PCDHGA4: variants seen among roughly 807,000 people sequenced by gnomAD.
PCDHGA4 encodes the protein protocadherin gamma subfamily A, 4.
A neutral mutation model predicts 54.6 loss-of-function variants in PCDHGA4; 38 were observed. The ratio of observed to expected loss-of-function variants is 0.70; its 90% CI spans 0.54 to 0.91. The LOEUF (loss-of-function observed/expected upper bound fraction) is 0.91. Ranked by LOEUF, PCDHGA4 falls within the 40% of genes least tolerant of loss-of-function variation. PCDHGA4 has a pLI of 0.00. For missense variants in PCDHGA4, 1,298 were observed against 1,220.9 expected (o/e 1.06, Z -0.94); for synonymous variants, 511 against 512.9 (o/e 1.00, Z 0.05).
intron 1 of PCDHGA4, chr5:141,409,110 A>T: frequency 6.2e-7 from 1 of 1,614,060 alleles, no homozygotes; most frequent in Non-Finnish European, 8.5e-7. Context: ...ATGATTAAGA[A>T]TAACCAGTCA....
At position 141,478,334 on chromosome 5, in the gene PCDHGA4, C is replaced by T. The variant is rs1303200872; in HGVS notation, c.2515-16473C>T. 2.5e-6 allele frequency: 4 copies of T among 1,613,944 alleles called. No individual in the cohort carries two copies. The highest frequency in any genetic ancestry group is 3.4e-6 in the Non-Finnish European group (4 of 1,180,016). ...GAGCTCACTGTACCGAACACCAGGG[C>T]CCTCCTTGCACGCGGACGCCGTGCG... On this transcript the variant is annotated intron_variant, in intron 1 of 3. Coordinates refer to ENST00000571252, the MANE Select transcript of PCDHGA4 (RefSeq NM_018917.4).
Position 141,421,262 on chromosome 5 carries a change from G to GGCTGCT in PCDHGA4, c.2514+63652_2514+63657dup, listed in dbSNP as rs748368476. 11 of 1,609,598 alleles carry GGCTGCT rather than the reference G, an allele frequency of 6.8e-6. No individual in the cohort carries two copies. The Admixed American group carries it at 8.4e-5, about 12-fold the overall frequency. ...CGGCTACAGCGCGGGGACCGCAGTC[G>GGCTGCT]GCTGCTGCTGCTGCTGTGCATTTTC... is the stretch of plus-strand genomic sequence containing the variant. On this transcript the variant is annotated intron_variant, in intron 1 of 3. Coordinates refer to ENST00000571252, the MANE Select transcript of PCDHGA4 (RefSeq NM_018917.4).
intron 1 of PCDHGA4, among the ~76,000 whole-genome samples, chr5:141,401,114 CG>C (rs566829189): frequency 5.5e-4 from 84 of 152,224 alleles, no homozygotes; most frequent in African/African-American, 2.0e-3. Context: ...GAGGCCGAGG[CG>C]GTTGGATCAC....
intron 1 of PCDHGA4, chr5:141,404,553 C>T: frequency 6.2e-7 from 1 of 1,613,766 alleles, no homozygotes; most frequent in Non-Finnish European, 8.5e-7. Context: ...CAGGTGACGG[C>T]AAGTGACAGT....
intron 1 of PCDHGA4, among the ~76,000 whole-genome samples, chr5:141,483,255 G>T (rs1383670642): frequency 1.3e-5 from 2 of 152,030 alleles, no homozygotes; most frequent in African/African-American, 2.4e-5. Context: ...ATATCATGAG[G>T]TTTTTTTGTT....
intron 1 of PCDHGA4, chr5:141,421,478 G>C: frequency 6.2e-7 from 1 of 1,614,130 alleles, no homozygotes. Context: ...CGAAGCGGCA[G>C]CTTGATCACG....
intron 1 of PCDHGA4, chr5:141,408,704 A>G: frequency 1.2e-6 from 2 of 1,613,236 alleles, no homozygotes; most frequent in Non-Finnish European, 1.7e-6. Context: ...AAACTCAATT[A>G]AAGATTATAA....
rs1462148828 is a variant in PCDHGA4 at position 141,392,863 on chromosome 5, G to A, written c.2514+35242G>A. On this transcript the variant is annotated intron_variant, in intron 1 of 3. Transcript: ENST00000571252. ...AGACGCGGCGAGCTGATCCTGCTGT[G>A]CGCGCTGCTGGGAACGCTGTGGGAA... 3 of 1,612,774 alleles carry A rather than the reference G, an allele frequency of 1.9e-6. No individual in the cohort carries two copies. Among genetic ancestry groups the A allele is most frequent in the African/African-American group, 2.7e-5 (2 of 74,930 alleles).
intron 1 of PCDHGA4, chr5:141,399,115 G>C: frequency 6.2e-7 from 1 of 1,613,814 alleles, no homozygotes; most frequent in Non-Finnish European, 8.5e-7. Context: ...ATGTACAGTT[G>C]AAATTAATAT....
chr5:141,421,403 A>G, intron 1 of PCDHGA4: 1 of 1,614,054 alleles, frequency 6.2e-7, no homozygotes, highest in Non-Finnish European at 8.5e-7. Context: ...GAGCCCCGGG[A>G]GCTGGCGAAG....
intron 1 of PCDHGA4, chr5:141,414,230 CCAT>C: frequency 6.2e-7 from 1 of 1,613,308 alleles, no homozygotes; most frequent in Non-Finnish European, 8.5e-7. Context: ...CCAGAGCTGA[CCAT>C]CACGTCTCTA....
At chr5:141,384,278 A>T in intron 1 of PCDHGA4, 1 of 1,613,842 alleles carries the variant, frequency 6.2e-7, no homozygotes, top group Non-Finnish European at 8.5e-7. Context: ...TACTCAGTCT[A>T]CATCGCTGAG....
At chr5:141,437,862 C>T (rs535370570) in intron 1 of PCDHGA4, among the ~76,000 whole-genome samples, 5 of 152,002 alleles carry the variant, frequency 3.3e-5, no homozygotes, top group African/African-American at 9.6e-5. Context: ...CTTAGCCTCC[C>T]GAGTAGCTGG....
chr5:141,410,827 A>G lies in PCDHGA4; in HGVS notation c.2514+53206A>G. The G allele has an allele frequency of 1.4e-5, 6 of 440,972 alleles. No individual in the cohort carries two copies. The South Asian group carries it at 2.4e-4, about 18-fold the overall frequency. 27.3% of individuals were successfully genotyped at this position (440,972 alleles called of 1,614,324 possible). The stretch of plus-strand genomic sequence containing the variant: ...TCTTTTTGTAAAATAATGTCACCAG[A>G]CTGAAGATATTTTGTCTTTGTCTTT... On this transcript the variant is annotated intron_variant, in intron 1 of 3. Transcript: ENST00000571252.
chr5:141,471,626 G>A (rs938624727), intron 1 of PCDHGA4: 2 of 152,108 alleles, frequency 1.3e-5, no homozygotes, highest in South Asian at 4.1e-4. Context: ...GTAAGCATTG[G>A]TATGGATTAG....
intron 1 of PCDHGA4, among the ~76,000 whole-genome samples, chr5:141,467,954 C>T (rs1467826790): frequency 1.3e-5 from 2 of 152,070 alleles, no homozygotes; most frequent in Admixed American, 6.6e-5. Flanking sequence ...CCACCACACC[C>T]GGCTGCCAGA....
intron 3 of PCDHGA4, among the ~76,000 whole-genome samples, chr5:141,505,793 GGACTTGGATC>G (rs2099848390): frequency 6.6e-6 from 1 of 152,142 alleles, no homozygotes; most frequent in Non-Finnish European, 1.5e-5. Flanking sequence ...ACTATCCTTG[GGACTTGGATC>G]GACTTGCTCA....
chr5:141,360,387 A>G (rs1217376856), intron 1 of PCDHGA4: 1 of 1,613,944 alleles, frequency 6.2e-7, no homozygotes, highest in East Asian at 2.2e-5. Flanking sequence ...GCGGAGACTT[A>G]CTTGTGAGTG....
At chr5:141,395,216 G>T in intron 1 of PCDHGA4, 1 of 1,612,150 alleles carries the variant, frequency 6.2e-7, no homozygotes, top group Non-Finnish European at 8.5e-7. Context: ...ATGAATATAA[G>T]AATGAAGCTG....
Sources: allele counts gnomAD v4.1 joint callset (sites outside exome capture counted in the v4.1 genomes callset), GRCh38; gene constraint gnomAD v4.1.1; transcripts MANE v1.5; gene names NCBI Gene and HGNC (gene_info 2026-07-23, HGNC 2026-07-21).